CSF2RA: variants seen among roughly 807,000 people sequenced by gnomAD.
CSF2RA encodes the protein granulocyte-macrophage colony-stimulating factor receptor subunit alpha.
A neutral mutation model predicts 51.6 loss-of-function variants in CSF2RA; 42 were observed. The ratio of observed to expected loss-of-function variants is 0.81; its 90% CI spans 0.64 to 1.05. The LOEUF (loss-of-function observed/expected upper bound fraction) is 1.05, where lower values mean the gene tolerates loss of function less well. CSF2RA is among the 50% of genes least tolerant of loss of function. CSF2RA has a pLI of 0.00. For synonymous variants in CSF2RA, 222 were observed against 193.0 expected (o/e 1.15, Z -1.24); for missense variants, 530 against 501.1 (o/e 1.06, Z -0.55).
At chrX:1,292,811 G>C (rs1382766903) in intron 7 of CSF2RA, among the ~76,000 whole-genome samples, 1 of 152,048 alleles carries the variant, frequency 6.6e-6, no homozygotes. Flanking sequence ...TATCTCAACC[G>C]CGAGAGGACT....
chrX:1,272,710 T>G lies in CSF2RA; in HGVS notation c.-90-2045T>G, dbSNP rs532144966. The stretch of plus-strand genomic sequence containing the variant: ...TTCACCATGTTGGCCAGGCTGGTCT[T>G]GAACTCCTGACCTCAGGTGATCCAA... On this transcript the variant is annotated intron_variant, in intron 1 of 12. Coordinates refer to ENST00000381529, the MANE Select transcript of CSF2RA (RefSeq NM_172245.4). Among the ~76,000 whole-genome samples, 5 of 150,574 alleles carry G rather than the reference T, an allele frequency of 3.3e-5. No homozygotes were observed. In the South Asian group the frequency reaches 6.3e-4, roughly 19 times the overall value.
At chrX:1,301,308 G>A (rs1162706207) in intron 10 of CSF2RA, among the ~76,000 whole-genome samples, 1 of 142,254 alleles carries the variant, frequency 7.0e-6, no homozygotes, top group Non-Finnish European at 1.5e-5. Flanking sequence ...CTCCAGCCTG[G>A]GTGACAGAGT....
chrX:1,309,863 G>C lies in CSF2RA; in HGVS notation c.*384G>C. On this transcript the variant is annotated 3_prime_UTR_variant, in exon 13 of 13. Coordinates refer to ENST00000381529, the MANE Select transcript of CSF2RA (RefSeq NM_172245.4). ...AGATCGCACCATTGCACACCAACCT[G>C]CGTGACAGAGCAAGATTGCATCTCA... 1.7e-6 allele frequency: 1 copy of C among 593,654 alleles called. No homozygotes were observed. The highest frequency in any genetic ancestry group is 3.0e-6 in the Non-Finnish European group (1 of 334,238). 36.8% of individuals were successfully genotyped at this position (593,654 alleles called of 1,614,324 possible).
downstream of CSF2RA, among the ~76,000 whole-genome samples, chrX:1,314,409 T>TAACCGTACTGCACCTGCCC (rs1360563300): frequency 1.7e-5 from 2 of 120,202 alleles, no homozygotes; most frequent in South Asian, 2.7e-4. Flanking sequence ...TGCACCTGCC[T>TAACCGTACTGCACCTGCCC]AACCGTACTG....
At chrX:1,292,257 G>C (rs2091479632) in intron 7 of CSF2RA, among the ~76,000 whole-genome samples, 1 of 152,226 alleles carries the variant, frequency 6.6e-6, no homozygotes, top group South Asian at 2.1e-4. Flanking sequence ...GACAGGAGGA[G>C]ACCCTGCCCC....
chrX:1,300,552 AAC>A lies in CSF2RA; in HGVS notation c.876_877del (p.His292GlnfsTer19). On this transcript the variant is annotated frameshift_variant, in exon 10 of 13. Transcript: ENST00000381529. LOFTEE classifies it high-confidence loss of function. ...TTTCCAAGCTCTGAGCCCAGAGCAA[AAC>A]ACAGTGTGAAGATCAGAGCTGCAGA... The A allele has an allele frequency of 6.2e-7, 1 of 1,613,926 alleles. No homozygotes were observed. Among genetic ancestry groups the A allele is most frequent in the Admixed American group, 1.7e-5 (1 of 59,996 alleles).
chrX:1,314,361 T>TGTGCCTGCCCAACCGCACA (rs2084358016), downstream of CSF2RA, among the ~76,000 whole-genome samples: 1 of 38,658 alleles, frequency 2.6e-5, no homozygotes, highest in East Asian at 1.7e-3. Context: ...CCAACCCCAC[T>TGTGCCTGCCCAACCGCACA]GCATCTGCCC....
At chrX:1,322,674 A>G in the CSF2RA span, among the ~76,000 whole-genome samples, 2 of 151,742 alleles carry the variant, frequency 1.3e-5, no homozygotes, top group South Asian at 2.1e-4. Flanking sequence ...ACAATCACAC[A>G]ATGGACAGAG....
chrX:1,312,860 C>A (rs1487428474), downstream of CSF2RA, among the ~76,000 whole-genome samples: 1 of 152,128 alleles, frequency 6.6e-6, no homozygotes, highest in East Asian at 1.9e-4. Flanking sequence ...CCTTCCGGAA[C>A]CTTCTACCCC....
At chrX:1,295,398 C>T (rs755318866) in intron 8 of CSF2RA, 29 bp from the exon 9 acceptor site, 18 of 1,613,390 alleles carry the variant, frequency 1.1e-5, no homozygotes, top group Non-Finnish European at 1.4e-5. Context: ...AAACAGTGAG[C>T]CTTGTGTTGT....
chrX:1,314,403 C>T (rs866033918), downstream of CSF2RA, among the ~76,000 whole-genome samples: 34 of 148,040 alleles, frequency 2.3e-4, no homozygotes, highest in African/African-American at 7.0e-4. Context: ...CCACACTGCA[C>T]CTGCCTAACC....
intron 1 of CSF2RA, among the ~76,000 whole-genome samples, chrX:1,269,917 G>C (rs752592649): frequency 1.3e-5 from 2 of 152,090 alleles, no homozygotes; most frequent in African/African-American, 4.8e-5. Context: ...AGATCAGCTT[G>C]GCCAACATGG....
chrX:1,287,788 G>C (rs2090926720), intron 4 of CSF2RA, among the ~76,000 whole-genome samples: 1 of 134,120 alleles, frequency 7.5e-6, no homozygotes, highest in South Asian at 2.4e-4. Context: ...CCAGGCTGGA[G>C]TGCACTGGCG....
intron 4 of CSF2RA, among the ~76,000 whole-genome samples, chrX:1,287,768 T>G (rs781256193): frequency 5.7e-5 from 6 of 105,006 alleles, no homozygotes; most frequent in East Asian, 7.2e-4. Flanking sequence ...ATGGAGTCTC[T>G]GTCTGTCACC....
At chrX:1,324,779 A>G in the CSF2RA span, among the ~76,000 whole-genome samples, 1 of 152,204 alleles carries the variant, frequency 6.6e-6, no homozygotes, top group Non-Finnish European at 1.5e-5. Flanking sequence ...GGACGCACGC[A>G]GGGAAAGCTG....
downstream of CSF2RA, among the ~76,000 whole-genome samples, chrX:1,314,967 ACTG>A (rs2084499066): frequency 1.9e-5 from 2 of 105,228 alleles, no homozygotes; most frequent in African/African-American, 7.0e-5. Flanking sequence ...GCCCAACCCC[ACTG>A]TGCCTGCCCA....
chrX:1,287,431 T>C (rs866749302), intron 4 of CSF2RA, among the ~76,000 whole-genome samples: 31 of 150,386 alleles, frequency 2.1e-4, no homozygotes, highest in South Asian at 1.7e-3. Context: ...GCATTACAGG[T>C]GTGAGCCACC....
intron 12 of CSF2RA, among the ~76,000 whole-genome samples, chrX:1,308,901 C>A (rs2083941766): frequency 6.6e-6 from 1 of 152,138 alleles, no homozygotes; most frequent in African/African-American, 2.4e-5. Flanking sequence ...CTATGAGGTC[C>A]CATGGGTGGA....
intron 3 of CSF2RA, among the ~76,000 whole-genome samples, chrX:1,284,307 ATCC>A (rs1224691193): frequency 1.4e-5 from 2 of 147,406 alleles, no homozygotes; most frequent in African/African-American, 5.0e-5. Context: ...GGGATCAAGT[ATCC>A]TCCCACTCCA....
Sources: allele counts gnomAD v4.1 joint callset (sites outside exome capture counted in the v4.1 genomes callset), GRCh38; gene constraint gnomAD v4.1.1; transcripts MANE v1.5; gene names NCBI Gene and HGNC (gene_info 2026-07-23, HGNC 2026-07-21).